The following MMP26 variants were observed in gnomAD, a reference collection of about 807,000 sequenced individuals.
MMP26 encodes the protein matrix metalloproteinase-26.
MMP26 carries 33 observed loss-of-function variants against 31.0 expected under a neutral mutation model. The ratio of observed to expected loss-of-function variants is 1.06; its 90% confidence interval spans 0.81 to 1.42. The LOEUF (loss-of-function observed/expected upper bound fraction) is 1.42, where lower values mean the gene tolerates loss of function less well. Among genes scored for constraint, MMP26 ranks in the 40% most tolerant of loss-of-function variants. The pLI is 0.00. For synonymous variants in MMP26, 122 were observed against 114.9 expected (o/e 1.06, Z -0.40); for missense variants, 347 against 316.1 (o/e 1.10, Z -0.74).
rs1452398022 is a variant in MMP26 at position 4,954,029 on chromosome 11, G to A, written c.-144-34039G>A. 1.6e-5 allele frequency among the ~76,000 whole-genome samples: 2 copies of A among 125,428 alleles called. 1 individual carries two copies. The highest frequency in any genetic ancestry group is 5.5e-5 in the African/African-American group (2 of 36,494). 82.3% of individuals were successfully genotyped at this position (125,428 alleles called of 152,430 possible). On this transcript the variant is annotated intron_variant, in intron 2 of 7. Coordinates refer to ENST00000380390, the MANE Select transcript of MMP26 (RefSeq NM_021801.5). The stretch of plus-strand genomic sequence containing the variant: ...AGATTGTGCTACTGCACCCCAGCTT[G>A]GGCTACAGAGCAAGATTTCGTCTCA...
At chr11:4,856,446 T>C (rs1003004354) in intron 2 of MMP26, among the ~76,000 whole-genome samples, 1 of 152,000 alleles carries the variant, frequency 6.6e-6, no homozygotes, top group Non-Finnish European at 1.5e-5. Context: ...AACAGACTTT[T>C]AACCAACAAA....
chr11:4,916,510 A>G (rs1180463526), intron 2 of MMP26, among the ~76,000 whole-genome samples: 4 of 150,506 alleles, frequency 2.7e-5, no homozygotes, highest in South Asian at 2.1e-4. Context: ...TTTCTTTGTT[A>G]TAGTTTTAGT....
At chr11:4,915,314 G>T (rs1417852101) in intron 2 of MMP26, 2 of 1,614,002 alleles carry the variant, frequency 1.2e-6, no homozygotes, top group Admixed American at 1.7e-5. Context: ...TAGCACAGAG[G>T]ACTCGAGGAA....
intron 2 of MMP26, among the ~76,000 whole-genome samples, chr11:4,864,782 A>G (rs1391585878): frequency 6.6e-6 from 1 of 152,134 alleles, no homozygotes; most frequent in Non-Finnish European, 1.5e-5. Flanking sequence ...TGACTCCTCC[A>G]TGTCTACAGA....
At chr11:4,843,927 G>A (rs1271584556) in intron 2 of MMP26, among the ~76,000 whole-genome samples, 2 of 152,042 alleles carry the variant, frequency 1.3e-5, no homozygotes, top group Non-Finnish European at 2.9e-5. Flanking sequence ...AAAGATCAGA[G>A]CAGAAATAAA....
chr11:4,899,211 G>A (rs1850765868), intron 2 of MMP26, among the ~76,000 whole-genome samples: 1 of 152,116 alleles, frequency 6.6e-6, no homozygotes, highest in Non-Finnish European at 1.5e-5. Context: ...CCGAAGAAAG[G>A]CTGACAGAGA....
At chr11:4,876,589 C>T (rs1187725765) in intron 2 of MMP26, 2 of 152,270 alleles carry the variant, frequency 1.3e-5, no homozygotes, top group Non-Finnish European at 2.9e-5. Context: ...CTGAGAACCA[C>T]CAGAGCTTCT....
rs1846725176 is a variant in MMP26 at position 4,975,534 on chromosome 11, A to G, written c.-144-12534A>G. On this transcript the variant is annotated intron_variant, in intron 2 of 7. Transcript: ENST00000380390. Reference sequence around the variant, plus strand: ...TTATTCCATATGGCTGAATAGAGTTATTGGAAGTTCTTTCCTGCCAGGACG... The same window carrying G: ...TTATTCCATATGGCTGAATAGAGTTGTTGGAAGTTCTTTCCTGCCAGGACG... Among the ~76,000 whole-genome samples the G allele has an allele frequency of 2.0e-5, 3 of 152,076 alleles. 1 individual carries two copies. Among genetic ancestry groups the G allele is most frequent in the African/African-American group, 7.3e-5 (3 of 41,356 alleles).
At chr11:4,751,697 T>C (rs540184118) in intron 1 of MMP26, among the ~76,000 whole-genome samples, 103 of 152,234 alleles carry the variant, frequency 6.8e-4, no homozygotes, top group African/African-American at 2.4e-3. Context: ...AAATAAAATA[T>C]ATATTTATTT....
At chr11:4,921,367 A>C (rs755262441) in intron 2 of MMP26, among the ~76,000 whole-genome samples, 10 of 152,224 alleles carry the variant, frequency 6.6e-5, no homozygotes, top group Non-Finnish European at 1.5e-4. Context: ...CTAGGTTGTA[A>C]ACATGGATAA....
intron 2 of MMP26, among the ~76,000 whole-genome samples, chr11:4,921,021 T>A (rs924854405): frequency 6.6e-6 from 1 of 152,186 alleles, no homozygotes; most frequent in African/African-American, 2.4e-5. Flanking sequence ...ATCTTTTAAG[T>A]CAAACCACTG....
intron 2 of MMP26, among the ~76,000 whole-genome samples, chr11:4,835,317 A>C (rs1849703440): frequency 6.6e-6 from 1 of 152,016 alleles, no homozygotes; most frequent in African/African-American, 2.4e-5. Flanking sequence ...GGCTTTTGCA[A>C]GGCTTTTCCC....
chr11:4,764,838 A>G (rs1197667185), intron 1 of MMP26, among the ~76,000 whole-genome samples: 2 of 152,042 alleles, frequency 1.3e-5, no homozygotes, highest in African/African-American at 4.8e-5. Context: ...GCGCAGCGCC[A>G]CTGCACCCCA....
intron 2 of MMP26, among the ~76,000 whole-genome samples, chr11:4,825,019 C>T (rs11034089): frequency 0.1 from 15,959 of 152,004 alleles, 1,025 homozygotes; most frequent in Middle Eastern, 0.17. Context: ...TAATAAAAAT[C>T]CTCTTTTCAG....
chr11:4,725,315 G>GT (rs1297591000), intron 1 of MMP26, among the ~76,000 whole-genome samples: 3 of 151,866 alleles, frequency 2.0e-5, no homozygotes, highest in Admixed American at 6.6e-5. Context: ...ATTTGAGACT[G>GT]TTTTTTTTCC....
At chr11:4,739,564 T>C (rs1300166069) in intron 1 of MMP26, among the ~76,000 whole-genome samples, 2 of 152,160 alleles carry the variant, frequency 1.3e-5, no homozygotes, top group Non-Finnish European at 2.9e-5. Context: ...AGAACTATGA[T>C]GACTCCAACC....
chr11:4,770,636 A>G (rs1848703536), intron 2 of MMP26, among the ~76,000 whole-genome samples: 1 of 152,130 alleles, frequency 6.6e-6, no homozygotes, highest in South Asian at 2.1e-4. Flanking sequence ...CGAGGTCAAG[A>G]GATCAAGATC....
At chr11:4,754,888 A>G (rs1181377071) in intron 1 of MMP26, among the ~76,000 whole-genome samples, 1 of 151,990 alleles carries the variant, frequency 6.6e-6, no homozygotes, top group Non-Finnish European at 1.5e-5. Context: ...CTCAAACACA[A>G]TATGATTGCA....
intron 2 of MMP26, chr11:4,859,556 A>T: frequency 2.7e-6 from 1 of 370,976 alleles, no homozygotes; most frequent in East Asian, 7.3e-5. Flanking sequence ...AAAATTAAAT[A>T]ATTAATTCTT....
Sources: gnomAD v4.1 joint callset for allele counts (sites outside exome capture counted in the v4.1 genomes callset) on GRCh38, gnomAD v4.1.1 for gene constraint, MANE v1.5 for transcripts, NCBI Gene and HGNC (gene_info 2026-07-23, HGNC 2026-07-21) for gene names.